The following GTPBP1 variants were observed in gnomAD, a reference collection of about 807,000 sequenced individuals.
GTPBP1 encodes GTP-binding protein 1.
Under a neutral mutation model 62.0 loss-of-function variants are expected in GTPBP1, and 23 were observed. The ratio of observed to expected loss-of-function variants is 0.37; its 90% confidence interval spans 0.27 to 0.53. The LOEUF is 0.53. Ranked by LOEUF, GTPBP1 falls within the 20% of genes least tolerant of loss-of-function variation. GTPBP1 has a pLI of 0.89. For synonymous variants in GTPBP1, 344 were observed against 364.4 expected (o/e 0.94, Z 0.64); for missense variants, 640 against 917.3 (o/e 0.70, Z 3.90).
intron 2 of GTPBP1, among the ~76,000 whole-genome samples, chr22:38,713,181 C>T (rs996271169): frequency 3.3e-4 from 50 of 152,166 alleles, no homozygotes; most frequent in African/African-American, 1.0e-3. Context: ...TAGGACCCTG[C>T]AGAGAACCCC....
In GTPBP1 at chr22:38,730,665, G is replaced by A; in HGVS notation, c.1971G>A (p.Lys657=). ...RRRGGQRHKV[K]SQGACVTPAS... is the part of the protein sequence containing the mutation. The stretch of plus-strand genomic sequence containing the variant: ...GAGGGGGCCAGCGCCACAAGGTGAA[G>A]TCCCAGGGGGCCTGTGTGACTCCTG... Residue 657 remains lysine, a synonymous_variant, in exon 12 of 12, where the codon AAG becomes AAA. Coordinates refer to ENST00000216044, the MANE Select transcript of GTPBP1 (RefSeq NM_004286.5). This position sits in a 1 kb window ranked among gnomAD's most constrained non-coding sequence, Gnocchi z 5.6. 6.2e-7 allele frequency: 1 copy of A among 1,604,952 alleles called. No homozygotes were observed. Among genetic ancestry groups the A allele is most frequent in the African/African-American group, 1.3e-5 (1 of 74,980 alleles).
chr22:38,724,167 C>T (rs1356091682), intron 5 of GTPBP1, 130 bp from the exon 6 acceptor site: 3 of 634,748 alleles, frequency 4.7e-6, no homozygotes, highest in Non-Finnish European at 8.7e-6. Context: ...GGCATTGTGG[C>T]ATTTAACACT....
At chr22:38,710,959 C>G (rs2092635548) in intron 2 of GTPBP1, among the ~76,000 whole-genome samples, 1 of 152,206 alleles carries the variant, frequency 6.6e-6, no homozygotes, top group Admixed American at 6.5e-5. Flanking sequence ...ATTAACACAT[C>G]TGTACACCCA....
At position 38,731,729 on chromosome 22, in the gene GTPBP1, C is replaced by T. The variant is rs978460502; in HGVS notation, c.*1025C>T. 1.3e-5 allele frequency: 2 copies of T among 152,554 alleles called. No individual in the cohort carries two copies. The highest frequency in any genetic ancestry group is 2.9e-5 in the Non-Finnish European group (2 of 68,340). 9.5% of individuals were successfully genotyped at this position (152,554 alleles called of 1,614,324 possible). A position where few individuals can be genotyped will look rare whatever the true frequency, so the allele number is the denominator to read the frequency against. On this transcript the variant is annotated 3_prime_UTR_variant, in exon 12 of 12. Transcript: ENST00000216044. ...AGCCAGGCTGAGACTAGAACCCCAT[C>T]TTCCCTGAGCCAGGCTGAGACTAGA...
Position 38,730,218 on chromosome 22 carries a change from T to G in GTPBP1, c.1918-394T>G, listed in dbSNP as rs1025716690. Among the ~76,000 whole-genome samples, 1 of 152,220 alleles carries G rather than the reference T, an allele frequency of 6.6e-6. No homozygotes were observed. Among genetic ancestry groups the G allele is most frequent in the Non-Finnish European group, 1.5e-5 (1 of 68,042 alleles). On this transcript the variant is annotated intron_variant, in intron 11 of 11. Coordinates refer to ENST00000216044, the MANE Select transcript of GTPBP1 (RefSeq NM_004286.5). This position sits in a 1 kb window ranked among gnomAD's most constrained non-coding sequence, Gnocchi z 5.6. The stretch of plus-strand genomic sequence containing the variant: ...TGCACCCCTCTCCCCAGCATCTTTC[T>G]CCATTGTCCCCTCATTGGAAAAGGA...
In GTPBP1 at chr22:38,716,050, C is replaced by G; in HGVS notation, c.448C>G (p.Arg150Gly). The G allele has an allele frequency of 6.2e-7, 1 of 1,611,388 alleles. No homozygotes were observed. Among genetic ancestry groups the G allele is most frequent in the Non-Finnish European group, 8.5e-7 (1 of 1,178,664 alleles). Residue 150 changes from arginine to glycine, a missense_variant, in exon 3 of 12, where the codon CGG becomes GGG. Physicochemically the swap from Arg to Gly is moderately radical, Grantham distance 125. Coordinates refer to ENST00000216044, the MANE Select transcript of GTPBP1 (RefSeq NM_004286.5). The surrounding 1 kb of genome is among the most constrained non-coding windows in gnomAD (Gnocchi z 5.2). ...GGGCCGCGTGCGTGATTACCTGGTC[C>G]GGAAACGAGTAGGAGACAATGACTT... is the stretch of plus-strand genomic sequence containing the variant. ...AGGRVRDYLVRKRVGDNDFLE... is the reference protein window; with the variant it reads ...AGGRVRDYLVGKRVGDNDFLE...
At chr22:38,720,564 T>A (rs2092694675) in intron 4 of GTPBP1, among the ~76,000 whole-genome samples, 1 of 152,198 alleles carries the variant, frequency 6.6e-6, no homozygotes, top group Non-Finnish European at 1.5e-5. Context: ...GCATTCTATA[T>A]GCAACTTACT....
At chr22:38,722,849 A>G (rs1455008168) in intron 5 of GTPBP1, 6 of 1,526,178 alleles carry the variant, frequency 3.9e-6, no homozygotes, top group African/African-American at 1.4e-5. Context: ...GGGTTTCTAC[A>G]TACTGGAACG....
downstream of GTPBP1, chr22:38,740,045 A>C: frequency 3.0e-5 from 41 of 1,380,418 alleles, no homozygotes; most frequent in Non-Finnish European, 4.0e-5. This position sits in a 1 kb window ranked among gnomAD's most constrained non-coding sequence, Gnocchi z 4.8. Context: ...ATAGGGTAGG[A>C]GGGAGGCCAC....
downstream of GTPBP1, chr22:38,740,964 G>A: frequency 6.4e-7 from 1 of 1,562,972 alleles, no homozygotes; most frequent in Non-Finnish European, 8.7e-7. This position sits in a 1 kb window ranked among gnomAD's most constrained non-coding sequence, Gnocchi z 4.8. Context: ...AGTGGGTGGG[G>A]CTGGGGAGGA....
downstream of GTPBP1, chr22:38,741,596 G>A: frequency 1.2e-6 from 2 of 1,609,910 alleles, no homozygotes; most frequent in East Asian, 2.2e-5. Flanking sequence ...TGAGAGGACA[G>A]GTTGGACAGA....
intron 4 of GTPBP1, among the ~76,000 whole-genome samples, chr22:38,720,396 T>C (rs1173387573): frequency 1.3e-5 from 2 of 151,920 alleles, no homozygotes; most frequent in Non-Finnish European, 2.9e-5. Flanking sequence ...ATTTTTTTTT[T>C]TTTTGTATTT....
intron 2 of GTPBP1, among the ~76,000 whole-genome samples, chr22:38,713,916 T>G (rs758989587): frequency 2.0e-5 from 3 of 152,146 alleles, no homozygotes; most frequent in Non-Finnish European, 2.9e-5. Context: ...ATGAGTGTTT[T>G]TATAGTTTTC....
downstream of GTPBP1, chr22:38,742,572 A>C (rs559184061): frequency 6.3e-6 from 10 of 1,596,402 alleles, no homozygotes; most frequent in African/African-American, 6.7e-5. Flanking sequence ...GGGCAGAGAG[A>C]GAGCCACGGA....
At position 38,706,090 on chromosome 22, in the gene GTPBP1, C is replaced by A. The variant is rs1296599706; in HGVS notation, c.135C>A (p.Asp45Glu). ...GACTCCACGGCGGCTTTGACTCGGA[C>A]TGCAGCGAGGACGGCGAGGCGCTCA... ...AARLHGGFDS[D>E]CSEDGEALNG... Residue 45 changes from aspartate (D) to glutamate (E), a missense_variant, in exon 1 of 12, where the codon GAC (aspartate) becomes GAA (glutamate). Around this residue, in one of 4 missense-constraint regions of GTPBP1, gnomAD observed 215 missense variants for 235.1 expected, o/e 0.91. Coordinates refer to ENST00000216044, the MANE Select transcript of GTPBP1 (RefSeq NM_004286.5). The A allele has an allele frequency of 3.0e-6, 4 of 1,328,368 alleles. No individual in the cohort carries two copies. Among genetic ancestry groups the A allele is most frequent in the Non-Finnish European group, 1.9e-6 (2 of 1,039,562 alleles). 82.3% of individuals were successfully genotyped at this position (1,328,368 alleles called of 1,614,324 possible). A position where few individuals can be genotyped will look rare whatever the true frequency, so the allele number is the denominator to read the frequency against.
chr22:38,712,601 A>G (rs1045630368), intron 2 of GTPBP1, among the ~76,000 whole-genome samples: 1 of 152,150 alleles, frequency 6.6e-6, no homozygotes, highest in Admixed American at 6.5e-5. Flanking sequence ...TGTGGCCTTT[A>G]GTAATTGGAC....
intron 10 of GTPBP1, 166 bp from the exon 11 acceptor site, chr22:38,729,296 T>C (rs2092743186): frequency 1.8e-6 from 1 of 547,858 alleles, no homozygotes. Context: ...TGCCTCTTCA[T>C]CCCCACTGCC....
At chr22:38,739,422 AC>A, downstream of GTPBP1, 1 of 1,612,964 alleles carries the variant, frequency 6.2e-7, no homozygotes, top group Non-Finnish European at 8.5e-7. This position sits in a 1 kb window ranked among gnomAD's most constrained non-coding sequence, Gnocchi z 6.7. Flanking sequence ...GATGTGGTGC[AC>A]CTGCTGCAAT....
At chr22:38,736,411 C>G (rs1200886003), downstream of GTPBP1, 1 of 1,576,594 alleles carries the variant, frequency 6.3e-7, no homozygotes, top group Admixed American at 1.8e-5. Context: ...TTAAGAGCAT[C>G]AGAGACCTGT....
Sources: gnomAD v4.1 joint callset for allele counts (sites outside exome capture counted in the v4.1 genomes callset) on GRCh38, gnomAD v4.1.1 for gene constraint, gnomAD v4.1.1 regional missense constraint, Gnocchi (gnomAD v3.1) non-coding constraint, MANE v1.5 for transcripts, NCBI Gene and HGNC (gene_info 2026-07-23, HGNC 2026-07-21) for gene names.